The following PHC3 variants were observed in gnomAD, a reference collection of about 807,000 sequenced individuals.
PHC3 encodes polyhomeotic homolog 3.
Under a neutral mutation model 107.4 loss-of-function variants are expected in PHC3, and 13 were observed. That is an observed-to-expected ratio of 0.12 (90% CI 0.08 to 0.19). The LOEUF is 0.19. Ranked by LOEUF, PHC3 falls within the 10% of genes least tolerant of loss-of-function variation. PHC3 has a pLI of 1.00. For synonymous variants in PHC3, 456 were observed against 427.4 expected (o/e 1.07, Z -0.83); for missense variants, 992 against 1,210.9 (o/e 0.82, Z 2.68).
rs1721861891 is a variant in PHC3, at chr3:170,129,261, G to A, written c.1211C>T (p.Ala404Val). 6.2e-7 allele frequency: 1 copy of A among 1,613,724 alleles called. No homozygotes were observed. Among genetic ancestry groups the A allele is most frequent in the South Asian group, 1.1e-5 (1 of 91,078 alleles). Residue 404 changes from alanine (A) to valine (V), a missense_variant, in exon 8 of 15, where the codon GCA (alanine) becomes GTA (valine). By Grantham distance (64) the Ala-to-Val change is moderately conservative. This residue lies in a region of PHC3 where 543 missense variants were observed against 590.8 expected (regional missense o/e 0.92). Transcript: ENST00000495893. ...LTVSPNQSQSAQQSVVVSPPP... is the reference protein window; with the variant it reads ...LTVSPNQSQSVQQSVVVSPPP... ...AGGAGACACCACTACAGACTGCTGT[G>A]CTGACTGTGACTGATTAGGAGACAC...
At chr3:170,162,711 CAT>C (rs752703297) in intron 4 of PHC3, among the ~76,000 whole-genome samples, 153 of 152,278 alleles carry the variant, frequency 1.0e-3, no homozygotes, top group Non-Finnish European at 1.0e-3. Flanking sequence ...ATGTCACTTC[CAT>C]ACCAGAACAG....
intron 1 of PHC3, among the ~76,000 whole-genome samples, chr3:170,179,264 C>A (rs1731014836): frequency 6.6e-6 from 1 of 152,000 alleles, no homozygotes; most frequent in African/African-American, 2.4e-5. Context: ...ACTAAACTAC[C>A]TAGGAAAATA....
At chr3:170,151,705 A>C (rs1726013417) in intron 4 of PHC3, among the ~76,000 whole-genome samples, 1 of 152,248 alleles carries the variant, frequency 6.6e-6, no homozygotes, top group Non-Finnish European at 1.5e-5. Context: ...ACGTTCTGAG[A>C]AACAGCAAAG....
At chr3:170,172,524 C>CT in intron 3 of PHC3, 33 bp downstream of exon 3, 9 of 1,598,516 alleles carry the variant, frequency 5.6e-6, no homozygotes, top group Non-Finnish European at 7.7e-6. Context: ...ATAACAGAAA[C>CT]TTTGATCTCA....
chr3:170,123,374 C>CACACACACACAG, intron 8 of PHC3, among the ~76,000 whole-genome samples: 1 of 151,722 alleles, frequency 6.6e-6, no homozygotes, highest in Non-Finnish European at 1.5e-5. Context: ...CACACACACA[C>CACACACACACAG]AGCCTAAGCT....
chr3:170,165,841 A>G (rs1401725904), intron 4 of PHC3, among the ~76,000 whole-genome samples: 1 of 150,550 alleles, frequency 6.6e-6, no homozygotes, highest in African/African-American at 2.4e-5. Context: ...AGTAGCATGC[A>G]CCTATAGTTC....
chr3:170,097,524 G>A lies in PHC3; in HGVS notation c.2834-140C>T, dbSNP rs1347246931. 1.3e-6 allele frequency: 1 copy of A among 792,828 alleles called. No homozygotes were observed. The highest frequency in any genetic ancestry group is 2.8e-5 in the East Asian group (1 of 36,260). The allele number at this position is 792,828 out of a possible 1,614,324, so 49.1% of individuals were successfully genotyped here. A position where few individuals can be genotyped will look rare whatever the true frequency, so the allele number is the denominator to read the frequency against. On this transcript the variant is annotated intron_variant, in intron 14 of 14. Transcript: ENST00000495893. The surrounding 1 kb of genome is among the most constrained non-coding windows in gnomAD (Gnocchi z 4.1). ...AAACAAATGAAATTTATTTATGGTA[G>A]TCTTGAGTTCACTCTTGAAGAATAG...
chr3:170,180,044 T>C (rs1380474820), intron 1 of PHC3, among the ~76,000 whole-genome samples: 1 of 152,018 alleles, frequency 6.6e-6, no homozygotes, highest in Non-Finnish European at 1.5e-5. Flanking sequence ...ACATACACTA[T>C]TACCATAGCG....
chr3:170,113,854 C>A (rs1718343550), intron 10 of PHC3, among the ~76,000 whole-genome samples: 1 of 152,024 alleles, frequency 6.6e-6, no homozygotes, highest in African/African-American at 2.4e-5. Flanking sequence ...TTATCCTGCA[C>A]TGCAAATATT....
chr3:170,152,337 A>ATTTTT (rs1220193435), intron 4 of PHC3, among the ~76,000 whole-genome samples: 21 of 122,164 alleles, frequency 1.7e-4, no homozygotes, highest in African/African-American at 5.0e-4. Context: ...CGCCTGGCTA[A>ATTTTT]TTTTTTTTTT....
At position 170,145,533 on chromosome 3, in the gene PHC3, G is replaced by A. The variant is rs1278293832; in HGVS notation, c.574-12C>T. The A allele has an allele frequency of 6.3e-7, 1 of 1,595,426 alleles. No homozygotes were observed. Among genetic ancestry groups the A allele is most frequent in the Admixed American group, 1.7e-5 (1 of 58,000 alleles). On this transcript the variant is annotated splice_polypyrimidine_tract_variant and intron_variant, in intron 5 of 14. Transcript: ENST00000495893. ...GGTGTGAAAATCAGCTGTACAGACA[G>A]AAAACCAAAAAAATACCCTAAGACA...
chr3:170,177,396 CA>C (rs1228238670), intron 2 of PHC3, among the ~76,000 whole-genome samples: 3 of 152,098 alleles, frequency 2.0e-5, no homozygotes, highest in African/African-American at 7.2e-5. Flanking sequence ...GATGGAGTCT[CA>C]CTCTTTTTGC....
Position 170,129,017 on chromosome 3 carries a change from G to A in PHC3, c.1455C>T (p.Ala485=). 5.0e-6 allele frequency: 8 copies of A among 1,613,518 alleles called. No individual in the cohort carries two copies. The highest frequency in any genetic ancestry group is 1.1e-5 in the South Asian group (1 of 91,016). ...CAATCTGCTGGCCTGGGGATACCAAGGCAGACTGCTGAACTGGGCCAATGT... is the reference window on the plus strand; with the variant it reads ...CAATCTGCTGGCCTGGGGATACCAAAGCAGACTGCTGAACTGGGCCAATGT... The part of the protein sequence containing the change: ...VVHIGPVQQS[A]LVSPGQQIVS... Residue 485 remains alanine (A), a synonymous_variant, in exon 8 of 15, where the codon GCC becomes GCT. Transcript: ENST00000495893.
chr3:170,180,786 A>AGT, intron 1 of PHC3, among the ~76,000 whole-genome samples: 1 of 152,280 alleles, frequency 6.6e-6, no homozygotes, highest in East Asian at 1.9e-4. Flanking sequence ...CAATCCAAAC[A>AGT]GTATGGTAAA....
rs1313766070 is a variant in PHC3 at position 170,142,894 on chromosome 3, G to A, written c.672+2529C>T. 2.0e-5 allele frequency among the ~76,000 whole-genome samples: 3 copies of A among 152,198 alleles called. 1 individual carries two copies. The East Asian group carries it at 5.8e-4, about 29-fold the overall frequency. ...AAAAAAAAGAAGATCATTATTTCAGGCTGGCACAGTGGCTCACACCTGTAC... is the reference window on the plus strand; with the variant it reads ...AAAAAAAAGAAGATCATTATTTCAGACTGGCACAGTGGCTCACACCTGTAC... On this transcript the variant is annotated intron_variant, in intron 6 of 14. Coordinates refer to ENST00000495893, the MANE Select transcript of PHC3 (RefSeq NM_024947.4).
Position 170,128,788 on chromosome 3 carries a change from C to G in PHC3, c.1684G>C (p.Ala562Pro). 6.2e-7 allele frequency: 1 copy of G among 1,613,980 alleles called. No individual in the cohort carries two copies. Residue 562 changes from alanine to proline, a missense_variant, in exon 8 of 15, where the codon GCT becomes CCT. Ala to Pro is a conservative substitution (Grantham distance 27, BLOSUM62 -1). Coordinates refer to ENST00000495893, the MANE Select transcript of PHC3 (RefSeq NM_024947.4). ...GGCAACTGGACCAAAGCTTCTGCAG[C>G]TGGAAGTTCCTCTTCTGACACCAAA... ...NALVSEEELP[A>P]AEALVQLPFQ...
chr3:170,091,814 G>A lies in PHC3; in HGVS notation c.*5416C>T, dbSNP rs182796351. 1.5e-4 allele frequency: 23 copies of A among 152,008 alleles called. No homozygotes were observed. Among genetic ancestry groups the A allele is most frequent in the Admixed American group, 1.1e-3 (17 of 15,260 alleles). 9.4% of individuals were successfully genotyped at this position (152,008 alleles called of 1,614,324 possible). A position where few individuals can be genotyped will look rare whatever the true frequency, so the allele number is the denominator to read the frequency against. On this transcript the variant is annotated 3_prime_UTR_variant, in exon 15 of 15. Coordinates refer to ENST00000495893, the MANE Select transcript of PHC3 (RefSeq NM_024947.4). Reference sequence around the variant, plus strand: ...CTTTCTCATAGTACAATTTTAAAACGGATTAGGTTCTAAAAACTAATATGT... The same window carrying A: ...CTTTCTCATAGTACAATTTTAAAACAGATTAGGTTCTAAAAACTAATATGT...
chr3:170,173,850 T>A (rs531718821), intron 2 of PHC3, among the ~76,000 whole-genome samples: 1 of 152,212 alleles, frequency 6.6e-6, no homozygotes, highest in Admixed American at 6.5e-5. Flanking sequence ...TACTCTTCTA[T>A]AGATGTCTGA....
chr3:170,181,140 C>G (rs1731338127), intron 1 of PHC3, among the ~76,000 whole-genome samples: 2 of 152,210 alleles, frequency 1.3e-5, no homozygotes, highest in South Asian at 4.1e-4. Context: ...TCAGCCTCAC[C>G]AGACCTGCAA....
Sources: allele counts gnomAD v4.1 joint callset (sites outside exome capture counted in the v4.1 genomes callset), GRCh38; gene constraint gnomAD v4.1.1; regional missense constraint gnomAD v4.1.1; non-coding constraint Gnocchi (gnomAD v3.1); transcripts MANE v1.5; gene names NCBI Gene and HGNC (gene_info 2026-07-23, HGNC 2026-07-21).